The following SLC2A12 variants were observed in gnomAD, a reference collection of about 807,000 sequenced individuals.
SLC2A12 encodes the protein solute carrier family 2 member 12.
In SLC2A12, 23 loss-of-function variants were observed where a neutral mutation model predicts 41.8. The ratio of observed to expected loss-of-function variants is 0.55; its 90% CI spans 0.40 to 0.78. The LOEUF (loss-of-function observed/expected upper bound fraction) is 0.78, where lower values mean the gene tolerates loss of function less well. Among genes scored for constraint, SLC2A12 ranks in the 30% least tolerant of loss-of-function variants. The pLI, the probability that SLC2A12 is intolerant of heterozygous loss-of-function variation, is 0.00. For synonymous variants in SLC2A12, 295 were observed against 285.9 expected (o/e 1.03, Z -0.32); for missense variants, 654 against 745.6 (o/e 0.88, Z 1.43).
Position 134,029,104 on chromosome 6 carries a change from T to C in SLC2A12, c.721A>G (p.Arg241Gly). ...TCCTCAGTTGTATCTGAGAGTGCTC[T>C]TAACCTTCCAAGAACCTTGCTAGCA... The part of the protein sequence containing the change: ...GAASKVLGRL[R>G]ALSDTTEELT... The change falls in exon 2 of 5, where the codon AGA becomes GGA. Residue 241 changes from arginine (R) to glycine (G), a missense_variant. Arg to Gly is a moderately radical substitution (Grantham distance 125, BLOSUM62 -2). Around this residue, in one of 3 missense-constraint regions of SLC2A12, gnomAD observed 411 missense variants for 412.1 expected, o/e 1.00. Coordinates refer to ENST00000275230, the MANE Select transcript of SLC2A12 (RefSeq NM_145176.3). 6.2e-7 allele frequency: 1 copy of C among 1,614,200 alleles called. No homozygotes were observed.
chr6:134,045,338 C>G (rs2114509720), intron 1 of SLC2A12, among the ~76,000 whole-genome samples: 1 of 152,260 alleles, frequency 6.6e-6, no homozygotes, highest in Non-Finnish European at 1.5e-5. Context: ...GAGAGCAAAC[C>G]TGGACTGGAT....
At chr6:134,031,407 A>C (rs1296436510) in intron 1 of SLC2A12, among the ~76,000 whole-genome samples, 1 of 131,934 alleles carries the variant, frequency 7.6e-6, no homozygotes. Flanking sequence ...AAAACAAAAA[A>C]CAAAAAACAA....
intron 1 of SLC2A12, among the ~76,000 whole-genome samples, chr6:134,040,678 G>A (rs757009031): frequency 1.7e-4 from 26 of 152,298 alleles, no homozygotes; most frequent in East Asian, 9.6e-4. Context: ...GGAGGCTTGG[G>A]ACAAGGATTT....
chr6:134,040,819 G>A (rs1777372661), intron 1 of SLC2A12, among the ~76,000 whole-genome samples: 1 of 152,228 alleles, frequency 6.6e-6, no homozygotes, highest in Non-Finnish European at 1.5e-5. Flanking sequence ...AGATTGACAA[G>A]TGCATGTCTG....
intron 2 of SLC2A12, among the ~76,000 whole-genome samples, chr6:134,027,343 C>T (rs1777127486): frequency 1.3e-5 from 2 of 152,368 alleles, no homozygotes; most frequent in East Asian, 1.9e-4. Context: ...ATTCCTTCTT[C>T]AGCATAGCCT....
chr6:134,041,491 AAGAG>A (rs200450696), intron 1 of SLC2A12, among the ~76,000 whole-genome samples: 6 of 151,892 alleles, frequency 4.0e-5, no homozygotes, highest in Non-Finnish European at 7.4e-5. Flanking sequence ...AACAAAAAAA[AAGAG>A]AGAGAGAGAG....
chr6:134,000,315 GCACAAAGT>G (rs1776740157), intron 4 of SLC2A12, among the ~76,000 whole-genome samples: 1 of 152,030 alleles, frequency 6.6e-6, no homozygotes, highest in African/African-American at 2.4e-5. Flanking sequence ...AGTGTATAAA[GCACAAAGT>G]GAAAATTTTC....
At chr6:134,027,954 C>T (rs1423782292) in intron 2 of SLC2A12, among the ~76,000 whole-genome samples, 4 of 152,156 alleles carry the variant, frequency 2.6e-5, no homozygotes, top group Admixed American at 2.6e-4. Flanking sequence ...TTTACTATCA[C>T]TGGAATGCAT....
chr6:134,046,643 A>AT (rs1777458693), intron 1 of SLC2A12, among the ~76,000 whole-genome samples: 3 of 152,022 alleles, frequency 2.0e-5, no homozygotes, highest in Admixed American at 1.3e-4. Flanking sequence ...TACTAAAAAA[A>AT]AATATATATA....
At chr6:134,031,615 G>A (rs749702818) in intron 1 of SLC2A12, among the ~76,000 whole-genome samples, 19 of 152,218 alleles carry the variant, frequency 1.2e-4, no homozygotes, top group Admixed American at 3.9e-4. Flanking sequence ...ACTGTGTAGC[G>A]CAACATACCA....
chr6:133,992,061 G>A (rs1473613947), intron 4 of SLC2A12, among the ~76,000 whole-genome samples: 2 of 152,216 alleles, frequency 1.3e-5, no homozygotes, highest in Middle Eastern at 3.2e-3. Context: ...AATGAAGTTA[G>A]GGAGGGAACT....
intron 1 of SLC2A12, 120 bp downstream of exon 1, chr6:134,052,255 ACAC>A (rs1773698348): frequency 2.0e-6 from 1 of 499,934 alleles, no homozygotes; most frequent in African/African-American, 3.3e-5. Context: ...GCGCATACAC[ACAC>A]ACACACACAC....
In SLC2A12 at chr6:134,028,846, T is replaced by C. The variant is rs1777153621; in HGVS notation, c.979A>G (p.Lys327Glu). The C allele has an allele frequency of 6.2e-7, 1 of 1,614,210 alleles. No individual in the cohort carries two copies. ...GTGGCAGGGATGGTGCTAATGACCTTGACGACTCCAACCCCAGTGGAGGCG... is the reference window on the plus strand; with the variant it reads ...GTGGCAGGGATGGTGCTAATGACCTCGACGACTCCAACCCCAGTGGAGGCG... ...SLASTGVGVV[K>E]VISTIPATLL... The change falls in exon 2 of 5, where the codon AAG (lysine) becomes GAG (glutamate). Residue 327 changes from lysine to glutamate, a missense_variant. By Grantham distance (56) the Lys-to-Glu change is moderately conservative (BLOSUM62 1). This residue lies in a region of SLC2A12 where 411 missense variants were observed against 412.1 expected (regional missense o/e 1.00). Transcript: ENST00000275230.
chr6:134,000,198 T>C (rs958124950), intron 4 of SLC2A12, among the ~76,000 whole-genome samples: 1 of 152,166 alleles, frequency 6.6e-6, no homozygotes, highest in Non-Finnish European at 1.5e-5. Context: ...CTCATCTGTA[T>C]CAAAAAAAAT....
chr6:134,005,191 G>A (rs1776797226), intron 3 of SLC2A12, among the ~76,000 whole-genome samples: 1 of 152,096 alleles, frequency 6.6e-6, no homozygotes, highest in Admixed American at 6.5e-5. Flanking sequence ...AATCTAATTT[G>A]TGGTTCCTTT....
chr6:134,023,770 T>C lies in SLC2A12; in HGVS notation c.1444+4611A>G, dbSNP rs574947180. Among the ~76,000 whole-genome samples the C allele has an allele frequency of 1.1e-3, 166 of 152,344 alleles. 3 individuals carry two copies. The highest frequency in any genetic ancestry group is 3.7e-3 in the African/African-American group (153 of 41,576). On this transcript the variant is annotated intron_variant, in intron 2 of 4. Transcript: ENST00000275230. ...ATTTGAATAATTAACATTTTGATTT[T>C]TAAAGTTTATCACAGCAATGGACTG... is the stretch of plus-strand genomic sequence containing the variant.
intron 1 of SLC2A12, among the ~76,000 whole-genome samples, chr6:134,040,999 C>G (rs189516310): frequency 5.9e-5 from 9 of 152,328 alleles, no homozygotes; most frequent in Admixed American, 2.0e-4. Flanking sequence ...TGCTGGCCAA[C>G]TTTCTGATGT....
chr6:134,040,253 A>G (rs1777364779), intron 1 of SLC2A12, among the ~76,000 whole-genome samples: 1 of 150,344 alleles, frequency 6.7e-6, no homozygotes, highest in South Asian at 2.1e-4. Context: ...CAATTTTTGT[A>G]TTTTTGATAG....
At chr6:134,005,907 G>A (rs899406837) in intron 3 of SLC2A12, among the ~76,000 whole-genome samples, 2 of 151,538 alleles carry the variant, frequency 1.3e-5, no homozygotes, top group African/African-American at 4.8e-5. Context: ...GTGGTGGCTC[G>A]TGCCTGTAAT....
Sources: gnomAD v4.1 joint callset for allele counts (sites outside exome capture counted in the v4.1 genomes callset) on GRCh38, gnomAD v4.1.1 for gene constraint, gnomAD v4.1.1 regional missense constraint, MANE v1.5 for transcripts, NCBI Gene and HGNC (gene_info 2026-07-23, HGNC 2026-07-21) for gene names.